TRAK2: variants seen among roughly 807,000 people sequenced by gnomAD.
The protein encoded by TRAK2 is trafficking kinesin-binding protein 2.
In TRAK2, 81 loss-of-function variants were observed where a neutral mutation model predicts 104.6. The observed-to-expected ratio is 0.77, with a 90% CI of 0.65 to 0.93. The LOEUF is 0.93. Ranked by LOEUF, TRAK2 falls within the 40% of genes least tolerant of loss-of-function variation. The pLI is 0.00. For synonymous variants in TRAK2, 406 were observed against 394.4 expected (o/e 1.03, Z -0.35); for missense variants, 1,002 against 1,089.0 (o/e 0.92, Z 1.12).
Position 201,386,167 on chromosome 2 carries a change from T to G in TRAK2, c.1963+51A>C, listed in dbSNP as rs147212212. ...CAGCTGACTGTCTAGTAAGTCAGAA[T>G]GCAAAGTACTTCTGGTTATTATACC... On this transcript the variant is annotated intron_variant, in intron 14 of 15. Coordinates refer to ENST00000332624, the MANE Select transcript of TRAK2 (RefSeq NM_015049.3). The G allele has an allele frequency of 4.5e-3, 7,261 of 1,600,370 alleles. 33 individuals are homozygous for G. The highest frequency in any genetic ancestry group is 0.01 in the Admixed American group (615 of 59,652).
intron 1 of TRAK2, among the ~76,000 whole-genome samples, chr2:201,433,838 C>G (rs947277683): frequency 6.6e-6 from 1 of 152,226 alleles, no homozygotes; most frequent in African/African-American, 2.4e-5. Context: ...AACAGGCATT[C>G]CACTTTAACA....
At chr2:201,389,742 G>T in intron 11 of TRAK2, 59 bp downstream of exon 11, 1 of 1,451,464 alleles carries the variant, frequency 6.9e-7, no homozygotes, top group Non-Finnish European at 9.5e-7. Flanking sequence ...TTTGGATTGT[G>T]GCTTCTTTTT....
chr2:201,386,896 T>C (rs538409516), intron 13 of TRAK2, among the ~76,000 whole-genome samples: 47 of 152,222 alleles, frequency 3.1e-4, no homozygotes, highest in African/African-American at 1.1e-3. Flanking sequence ...CCAGGGAGAA[T>C]AGGAAAATGA....
intron 1 of TRAK2, among the ~76,000 whole-genome samples, chr2:201,424,001 A>G (rs569637348): frequency 1.3e-5 from 2 of 152,390 alleles, no homozygotes; most frequent in South Asian, 4.1e-4. Context: ...CCAGTTGTCA[A>G]AAATTCATTT....
intron 13 of TRAK2, among the ~76,000 whole-genome samples, chr2:201,387,060 T>G (rs572492876): frequency 6.6e-6 from 1 of 152,328 alleles, no homozygotes; most frequent in East Asian, 1.9e-4. Context: ...ATATCTGCAC[T>G]GATCATTAAT....
intron 13 of TRAK2, among the ~76,000 whole-genome samples, chr2:201,387,034 A>G (rs1951397936): frequency 6.6e-6 from 1 of 152,230 alleles, no homozygotes; most frequent in Non-Finnish European, 1.5e-5. Flanking sequence ...CATCCTAAAA[A>G]TGGCAACTCC....
intron 14 of TRAK2, among the ~76,000 whole-genome samples, chr2:201,384,582 A>G (rs1951371847): frequency 6.6e-6 from 1 of 152,170 alleles, no homozygotes. Flanking sequence ...TGTCAAAGCT[A>G]CTTTCATAGT....
intron 1 of TRAK2, among the ~76,000 whole-genome samples, chr2:201,441,051 C>T (rs1244530426): frequency 6.6e-6 from 1 of 152,134 alleles, no homozygotes; most frequent in Non-Finnish European, 1.5e-5. Context: ...TATCAATACA[C>T]TGAGTTACAG....
chr2:201,423,037 C>CA (rs1553623442), intron 1 of TRAK2, among the ~76,000 whole-genome samples: 16 of 134,148 alleles, frequency 1.2e-4, no homozygotes, highest in South Asian at 1.1e-3. Flanking sequence ...AACACCACCA[C>CA]CACACACACA....
chr2:201,438,318 G>C (rs1951893874), intron 1 of TRAK2, among the ~76,000 whole-genome samples: 2 of 152,166 alleles, frequency 1.3e-5, no homozygotes, highest in African/African-American at 4.8e-5. Context: ...ATATGATAAA[G>C]AAATATGTTC....
chr2:201,407,290 G>C, intron 3 of TRAK2, 113 bp downstream of exon 3: 1 of 836,920 alleles, frequency 1.2e-6, no homozygotes, highest in Non-Finnish European at 1.9e-6. Context: ...TCAAATAAAA[G>C]TAGGTATACA....
intron 10 of TRAK2, 67 bp from the exon 11 acceptor site, chr2:201,389,947 C>T (rs1450575256): frequency 8.0e-7 from 1 of 1,244,236 alleles, no homozygotes; most frequent in African/African-American, 1.5e-5. Flanking sequence ...CTCTACAATC[C>T]TATACTTTTG....
chr2:201,435,436 T>C (rs1239302081), intron 1 of TRAK2, among the ~76,000 whole-genome samples: 1 of 152,236 alleles, frequency 6.6e-6, no homozygotes, highest in Admixed American at 6.5e-5. Context: ...GTGAGCAATA[T>C]CTTCTCTCTG....
chr2:201,441,122 A>C (rs1951917129), intron 1 of TRAK2, among the ~76,000 whole-genome samples: 1 of 152,266 alleles, frequency 6.6e-6, no homozygotes, highest in South Asian at 2.1e-4. Context: ...AACTAAATGA[A>C]TTGCCTTGAA....
At chr2:201,439,987 T>C (rs913486537) in intron 1 of TRAK2, among the ~76,000 whole-genome samples, 6 of 144,564 alleles carry the variant, frequency 4.2e-5, no homozygotes, top group Non-Finnish European at 7.5e-5. Flanking sequence ...TAATGCTAAA[T>C]GATGAGTTAA....
intron 1 of TRAK2, among the ~76,000 whole-genome samples, chr2:201,427,757 A>G (rs1951803105): frequency 6.6e-6 from 1 of 152,246 alleles, no homozygotes; most frequent in Non-Finnish European, 1.5e-5. Flanking sequence ...ACTGTCTTCC[A>G]CAATGGTTGA....
rs1576499047 is a variant in TRAK2, at chr2:201,377,397, T to G, written c.*3146A>C. On this transcript the variant is annotated 3_prime_UTR_variant, in exon 16 of 16. Coordinates refer to ENST00000332624, the MANE Select transcript of TRAK2 (RefSeq NM_015049.3). ...CCATGCGACCGCTCAGTTATCACAC[T>G]GCACTGCTGTTGGGTTGCATGTGGA... is the stretch of plus-strand genomic sequence containing the variant. 1.3e-5 allele frequency: 2 copies of G among 152,236 alleles called. No homozygotes were observed. The highest frequency in any genetic ancestry group is 3.8e-4 in the East Asian group (2 of 5,202). 9.4% of individuals were successfully genotyped at this position (152,236 alleles called of 1,614,324 possible).
At chr2:201,422,652 T>C (rs1431359658) in intron 1 of TRAK2, among the ~76,000 whole-genome samples, 1 of 150,924 alleles carries the variant, frequency 6.6e-6, no homozygotes, top group Non-Finnish European at 1.5e-5. Flanking sequence ...GAATTAAACG[T>C]TATACAAAGT....
At chr2:201,399,160 A>T (rs1951527120) in intron 5 of TRAK2, among the ~76,000 whole-genome samples, 1 of 152,080 alleles carries the variant, frequency 6.6e-6, no homozygotes, top group African/African-American at 2.4e-5. Context: ...CAGATACTTA[A>T]TATAGACTTT....
Sources: gnomAD v4.1 joint callset for allele counts (sites outside exome capture counted in the v4.1 genomes callset) on GRCh38, gnomAD v4.1.1 for gene constraint, MANE v1.5 for transcripts, NCBI Gene and HGNC (gene_info 2026-07-23, HGNC 2026-07-21) for gene names.